SPG11: variants seen among roughly 807,000 people sequenced by gnomAD.
SPG11 encodes SPG11 vesicle trafficking associated, spatacsin.
SPG11 carries 222 observed loss-of-function variants against 274.0 expected under a neutral mutation model. That is an observed-to-expected ratio of 0.81 (90% confidence interval 0.73 to 0.91). SPG11 has a LOEUF of 0.91. Among genes scored for constraint, SPG11 ranks in the 40% least tolerant of loss-of-function variants. The pLI, the probability that SPG11 is intolerant of heterozygous loss-of-function variation, is 0.00. For missense variants in SPG11, 3,114 were observed against 2,872.7 expected (o/e 1.08, Z -1.92); for synonymous variants, 1,144 against 1,039.7 (o/e 1.10, Z -1.93).
intron 25 of SPG11, 71 bp from the exon 26 acceptor site, chr15:44,595,530 T>G: frequency 1.4e-6 from 2 of 1,479,072 alleles, no homozygotes; most frequent in Non-Finnish European, 1.9e-6. Context: ...TACAGATGGA[T>G]ATTTCCTGTT....
At chr15:44,646,766 A>G (rs2084623818) in intron 7 of SPG11, among the ~76,000 whole-genome samples, 1 of 152,160 alleles carries the variant, frequency 6.6e-6, no homozygotes, top group African/African-American at 2.4e-5. Context: ...TATAAGTGGG[A>G]GCTAAACACA....
intron 4 of SPG11, among the ~76,000 whole-genome samples, chr15:44,654,983 AT>A (rs1343110154): frequency 1.3e-5 from 2 of 152,244 alleles, no homozygotes; most frequent in Non-Finnish European, 2.9e-5. Context: ...TAGCTGTAGT[AT>A]ATACTGTACT....
Position 44,563,159 on chromosome 15 carries a change from G to C in SPG11, c.7294C>G (p.Gln2432Glu). 6.2e-7 allele frequency: 1 copy of C among 1,614,174 alleles called. No homozygotes were observed. ...EIVNVLLKDP[Q>E]TGCCLKDMLA... is the part of the protein sequence containing the mutation. Reference sequence around the variant, plus strand: ...ATGTCCTTTAGACAGCAACCTGTCTGAGGGTCCTTCAGAAGCACATTTACA... The same window carrying C: ...ATGTCCTTTAGACAGCAACCTGTCTCAGGGTCCTTCAGAAGCACATTTACA... Residue 2432 changes from glutamine to glutamate, a missense_variant, in exon 40 of 40, where the codon CAG (glutamine) becomes GAG (glutamate). Gln to Glu is a conservative substitution (Grantham distance 29). Coordinates refer to ENST00000261866, the MANE Select transcript of SPG11 (RefSeq NM_025137.4).
chr15:44,605,963 G>T, intron 20 of SPG11, 62 bp downstream of exon 20: 1 of 1,332,798 alleles, frequency 7.5e-7, no homozygotes. Context: ...GGCATTACAT[G>T]TATTAACTTC....
At chr15:44,617,496 G>C (rs527313990) in intron 15 of SPG11, among the ~76,000 whole-genome samples, 4 of 152,182 alleles carry the variant, frequency 2.6e-5, no homozygotes, top group African/African-American at 9.6e-5. Context: ...CTCCACTCTT[G>C]TGCAGGACCA....
Position 44,626,444 on chromosome 15 carries a change from C to T in SPG11, c.2131G>A (p.Asp711Asn). The T allele has an allele frequency of 6.2e-7, 1 of 1,614,016 alleles. No homozygotes were observed. Among genetic ancestry groups the T allele is most frequent in the East Asian group, 2.2e-5 (1 of 44,844 alleles). Reference protein sequence around the residue: ...IPEAQTFFRIDSHSAQKLEEL... With the variant: ...IPEAQTFFRINSHSAQKLEEL... ...TCAAGTTTTTGAGCAGAATGACTAT[C>T]AATCCTGAAGAAAGTCTGTGCCTCT... The change falls in exon 11 of 40, where the codon GAT becomes AAT. Residue 711 changes from aspartate to asparagine, a missense_variant. Coordinates refer to ENST00000261866, the MANE Select transcript of SPG11 (RefSeq NM_025137.4).
At position 44,654,630 on chromosome 15, in the gene SPG11, A is replaced by C. The variant is rs148169625; in HGVS notation, c.870-2364T>G. Among the ~76,000 whole-genome samples the C allele has an allele frequency of 1.2e-3, 183 of 152,320 alleles. 1 individual carries two copies. The highest frequency in any genetic ancestry group is 3.7e-3 in the African/African-American group (152 of 41,574). Reference sequence around the variant, plus strand: ...CAAGGTGGGCGGATCATCTGAGGTCATAAGTTCAAAACCAGCCTGGCCAAC... The same window carrying C: ...CAAGGTGGGCGGATCATCTGAGGTCCTAAGTTCAAAACCAGCCTGGCCAAC... On this transcript the variant is annotated intron_variant, in intron 4 of 39. Transcript: ENST00000261866.
intron 29 of SPG11, among the ~76,000 whole-genome samples, chr15:44,584,910 T>C (rs1397173446): frequency 1.3e-5 from 2 of 152,206 alleles, no homozygotes; most frequent in African/African-American, 4.8e-5. Context: ...ATTATAGGCA[T>C]GAGCCACTGC....
Position 44,564,539 on chromosome 15 carries a change from A to ATACT in SPG11, c.7151+4_7151+7dup. The stretch of plus-strand genomic sequence containing the variant: ...GAGCAATGTTTACAGTCAACTTTTA[A>ATACT]TACTTACTTTTTGGAAATCTCTTCA... On this transcript the variant is annotated splice_region_variant and intron_variant, in intron 39 of 39. Coordinates refer to ENST00000261866, the MANE Select transcript of SPG11 (RefSeq NM_025137.4). 9.3e-6 allele frequency: 15 copies of ATACT among 1,613,278 alleles called. No homozygotes were observed. The highest frequency in any genetic ancestry group is 4.5e-5 in the East Asian group (2 of 44,884).
At chr15:44,604,042 T>C in intron 20 of SPG11, 1 of 360,948 alleles carries the variant, frequency 2.8e-6, no homozygotes, top group Non-Finnish European at 5.5e-6. Flanking sequence ...ACTTACTACC[T>C]ATTTTTTAAA....
At chr15:44,591,002 TCATGTGTCAC>T in intron 27 of SPG11, 1 of 152,328 alleles carries the variant, frequency 6.6e-6, no homozygotes, top group East Asian at 1.9e-4. Context: ...GTTTATAAAA[TCATGTGTCAC>T]ATTACTGCTA....
intron 20 of SPG11, among the ~76,000 whole-genome samples, chr15:44,602,562 T>C (rs768408295): frequency 6.6e-6 from 1 of 152,026 alleles, no homozygotes; most frequent in Admixed American, 6.6e-5. Flanking sequence ...CACTGCAAGT[T>C]CCGCCTCCCG....
intron 20 of SPG11, among the ~76,000 whole-genome samples, chr15:44,602,757 T>C (rs1343801213): frequency 8.5e-5 from 13 of 152,114 alleles, no homozygotes; most frequent in Admixed American, 8.5e-4. Context: ...GCTGGGATTA[T>C]AGGCATGAGT....
intron 11 of SPG11, among the ~76,000 whole-genome samples, chr15:44,624,402 T>C (rs1324663051): frequency 6.6e-6 from 1 of 151,956 alleles, no homozygotes; most frequent in Admixed American, 6.6e-5. Context: ...GAAGATATTA[T>C]GCTAAATGAA....
intron 1 of SPG11, among the ~76,000 whole-genome samples, chr15:44,661,262 T>C (rs1456642177): frequency 1.3e-5 from 2 of 152,204 alleles, no homozygotes; most frequent in African/African-American, 4.8e-5. Context: ...TACGGAATTC[T>C]TAAACTGAAA....
At chr15:44,625,533 A>C (rs2083873158) in intron 11 of SPG11, among the ~76,000 whole-genome samples, 1 of 152,104 alleles carries the variant, frequency 6.6e-6, no homozygotes, top group African/African-American at 2.4e-5. Flanking sequence ...GCCATGTAAG[A>C]CAGGCCTGCT....
chr15:44,643,241 C>T (rs1416814622), intron 7 of SPG11, among the ~76,000 whole-genome samples: 1 of 152,068 alleles, frequency 6.6e-6, no homozygotes, highest in African/African-American at 2.4e-5. Flanking sequence ...TGTGCTTCAG[C>T]TTCCTGATCT....
At chr15:44,615,330 C>T (rs1724606729) in intron 16 of SPG11, 33 bp downstream of exon 16, 2 of 1,602,448 alleles carry the variant, frequency 1.2e-6, no homozygotes, top group South Asian at 2.2e-5. Flanking sequence ...ATGTGAAGAC[C>T]TGCTCAAGGA....
At chr15:44,646,237 C>T (rs2084606540) in intron 7 of SPG11, among the ~76,000 whole-genome samples, 2 of 152,130 alleles carry the variant, frequency 1.3e-5, no homozygotes, top group Admixed American at 1.3e-4. Context: ...ACCTAAATGC[C>T]CATGATTGGC....
Sources: allele counts gnomAD v4.1 joint callset (sites outside exome capture counted in the v4.1 genomes callset), GRCh38; gene constraint gnomAD v4.1.1; transcripts MANE v1.5; gene names NCBI Gene and HGNC (gene_info 2026-07-23, HGNC 2026-07-21).